MAP4: variants seen among roughly 807,000 people sequenced by gnomAD.
The protein encoded by MAP4 is microtubule associated protein 4.
Under a neutral mutation model 170.2 loss-of-function variants are expected in MAP4, and 76 were observed. That is an observed-to-expected ratio of 0.45 (90% confidence interval 0.37 to 0.54). The LOEUF is 0.54. Among genes scored for constraint, MAP4 ranks in the 20% least tolerant of loss-of-function variants. MAP4 has a pLI of 0.00. For synonymous variants in MAP4, 909 were observed against 994.5 expected, an observed-to-expected ratio of 0.91 and a Z score of 1.62; for missense variants, 2,506 against 2,748.0, an observed-to-expected ratio of 0.91 and a Z score of 1.97.
intron 2 of MAP4, chr3:47,987,435 T>G (rs1455872639): frequency 9.2e-6 from 14 of 1,524,832 alleles, no homozygotes; most frequent in Non-Finnish European, 1.2e-5. Flanking sequence ...GTGGGAGGTC[T>G]AGAAGGGAAA....
rs2053870759 is a variant in MAP4, at chr3:47,855,443, C to A, written c.6584-83G>T. 1 of 835,450 alleles carries A rather than the reference C, an allele frequency of 1.2e-6. No individual in the cohort carries two copies. Among genetic ancestry groups the A allele is most frequent in the Non-Finnish European group, 2.1e-6 (1 of 476,222 alleles). 51.8% of individuals were successfully genotyped at this position (835,450 alleles called of 1,614,324 possible). ...AACCAGGACTAGCGATATGCCCAAT[C>A]TAGAAATGAGACAGACGTGACCTGT... is the stretch of plus-strand genomic sequence containing the variant. On this transcript the variant is annotated intron_variant, in intron 18 of 20. Transcript: ENST00000683076. The surrounding 1 kb of genome is among the most constrained non-coding windows in gnomAD (Gnocchi z 5.1).
At chr3:47,882,675 G>A (rs1347938800) in intron 10 of MAP4, among the ~76,000 whole-genome samples, 1 of 152,046 alleles carries the variant, frequency 6.6e-6, no homozygotes, top group Non-Finnish European at 1.5e-5. Context: ...CTGGGCTCAA[G>A]TGATCCTGCC....
intron 7 of MAP4, 124 bp downstream of exon 7, chr3:47,915,827 T>C (rs1577525153): frequency 9.6e-7 from 1 of 1,043,848 alleles, no homozygotes; most frequent in Non-Finnish European, 1.4e-6. Context: ...AGAGCAGGAG[T>C]ATGAATAAAC....
chr3:47,989,249 T>G (rs989170942), intron 2 of MAP4, among the ~76,000 whole-genome samples: 1 of 152,220 alleles, frequency 6.6e-6, no homozygotes, highest in Non-Finnish European at 1.5e-5. Flanking sequence ...CATCTCTATT[T>G]AAAAAATATT....
At chr3:47,858,872 T>A (rs2061100462) in intron 17 of MAP4, among the ~76,000 whole-genome samples, 3 of 152,118 alleles carry the variant, frequency 2.0e-5, no homozygotes, top group Admixed American at 2.0e-4. Context: ...CTCACGCCTG[T>A]AATCCCAGCA....
chr3:47,890,575 A>C (rs1445239669), intron 10 of MAP4, among the ~76,000 whole-genome samples: 1 of 152,204 alleles, frequency 6.6e-6, no homozygotes, highest in Non-Finnish European at 1.5e-5. Context: ...ACCCATTGTG[A>C]ATCTATATAA....
Position 47,855,480 on chromosome 3 carries a change from A to C in MAP4, c.6584-120T>G. The C allele has an allele frequency of 1.4e-6, 1 of 694,062 alleles. No homozygotes were observed. 43.0% of individuals were successfully genotyped at this position (694,062 alleles called of 1,614,324 possible). ...CAGACGTGACCTGTTCTGGGTGGCA[A>C]ATGAAGAACAGTGAACACGTTTGTC... On this transcript the variant is annotated intron_variant, in intron 18 of 20. Transcript: ENST00000683076. This position sits in a 1 kb window ranked among gnomAD's most constrained non-coding sequence, Gnocchi z 5.1.
chr3:47,878,087 T>C (rs2095872256), intron 10 of MAP4, among the ~76,000 whole-genome samples: 1 of 152,190 alleles, frequency 6.6e-6, no homozygotes, highest in Non-Finnish European at 1.5e-5. Context: ...TAAAGTCTCC[T>C]GCCTAAGGCA....
intron 3 of MAP4, among the ~76,000 whole-genome samples, chr3:47,964,299 A>G (rs1442585219): frequency 1.3e-5 from 2 of 152,180 alleles, no homozygotes; most frequent in Admixed American, 1.3e-4. Context: ...AGCCAAGGTT[A>G]ATGATGGTGG....
chr3:47,902,344 G>C (rs969057728), intron 10 of MAP4, among the ~76,000 whole-genome samples: 2 of 151,932 alleles, frequency 1.3e-5, no homozygotes, highest in African/African-American at 2.4e-5. Flanking sequence ...TTAGTTGTGT[G>C]ACTAGTCCCA....
intron 3 of MAP4, among the ~76,000 whole-genome samples, chr3:47,930,748 G>GAA (rs2100049285): frequency 6.6e-6 from 1 of 151,652 alleles, no homozygotes; most frequent in African/African-American, 2.4e-5. Flanking sequence ...CTAACACAGT[G>GAA]AAACCCTGTC....
chr3:47,976,595 A>C (rs2100082305), intron 3 of MAP4, among the ~76,000 whole-genome samples: 1 of 152,218 alleles, frequency 6.6e-6, no homozygotes, highest in Non-Finnish European at 1.5e-5. Context: ...GTTTTCTTAA[A>C]AACCACATCA....
intron 1 of MAP4, among the ~76,000 whole-genome samples, chr3:48,000,446 C>T (rs1014598965): frequency 6.6e-6 from 1 of 152,220 alleles, no homozygotes; most frequent in East Asian, 1.9e-4. Context: ...AATGTAATGG[C>T]CACTACTTGT....
intron 1 of MAP4, among the ~76,000 whole-genome samples, chr3:48,051,016 G>A (rs899167324): frequency 1.3e-5 from 2 of 151,684 alleles, no homozygotes; most frequent in African/African-American, 4.8e-5. Flanking sequence ...GAAGAATGAG[G>A]GAAGGGAACA....
intron 1 of MAP4, among the ~76,000 whole-genome samples, chr3:48,035,177 G>A (rs2100118145): frequency 7.4e-6 from 1 of 135,998 alleles, no homozygotes; most frequent in South Asian, 2.3e-4. Flanking sequence ...CCTACCTTGG[G>A]TCTGATTTGT....
chr3:47,999,497 G>A (rs1450061779), intron 1 of MAP4, among the ~76,000 whole-genome samples: 7 of 152,082 alleles, frequency 4.6e-5, no homozygotes, highest in Non-Finnish European at 1.0e-4. Context: ...ATAATCTGCA[G>A]TTAAGTAAAT....
Position 47,974,142 on chromosome 3 carries a change from C to G in MAP4, c.292+3723G>C, listed in dbSNP as rs934995289. On this transcript the variant is annotated intron_variant, in intron 3 of 20. Coordinates refer to ENST00000683076, the MANE Select transcript of MAP4 (RefSeq NM_001385682.1). ...TCAGGGGATCTAAAACAATGTATAT[C>G]TGGCCAGGCACAGTGTCTCACACCT... The G allele has an allele frequency of 6.1e-6, 6 of 984,456 alleles. No homozygotes were observed. In the Admixed American group the frequency reaches 3.1e-4, roughly 50 times the overall value. The allele number at this position is 984,456 out of a possible 1,614,324, so 61.0% of individuals were successfully genotyped here.
At chr3:48,049,610 C>T (rs1327311851) in intron 1 of MAP4, among the ~76,000 whole-genome samples, 1 of 151,350 alleles carries the variant, frequency 6.6e-6, no homozygotes, top group Non-Finnish European at 1.5e-5. Flanking sequence ...CAGAGTGAGA[C>T]CAGGTCTACT....
In MAP4 at chr3:47,855,200, A is replaced by G; in HGVS notation, c.6696+48T>C. 7.3e-7 allele frequency: 1 copy of G among 1,363,054 alleles called. No homozygotes were observed. The highest frequency in any genetic ancestry group is 2.3e-5 in the East Asian group (1 of 43,634). The allele number at this position is 1,363,054 out of a possible 1,614,324, so 84.4% of individuals were successfully genotyped here. A position where few individuals can be genotyped will look rare whatever the true frequency, so the allele number is the denominator to read the frequency against. On this transcript the variant is annotated intron_variant, in intron 19 of 20. Transcript: ENST00000683076. This position sits in a 1 kb window ranked among gnomAD's most constrained non-coding sequence, Gnocchi z 5.1. ...GTGAGGACCCTGACCCTAACTGCAT[A>G]GTTCCCACCCCTCCCCAGCTGTGTC...
Sources: allele counts gnomAD v4.1 joint callset (sites outside exome capture counted in the v4.1 genomes callset), GRCh38; gene constraint gnomAD v4.1.1; non-coding constraint Gnocchi (gnomAD v3.1); transcripts MANE v1.5; gene names NCBI Gene and HGNC (gene_info 2026-07-23, HGNC 2026-07-21).